Variants in VPS13B observed in about 807,000 individuals in gnomAD.
The protein encoded by VPS13B is intermembrane lipid transfer protein VPS13B.
In VPS13B, 285 loss-of-function variants were observed where a neutral mutation model predicts 426.4. That is an observed-to-expected ratio of 0.67 (90% confidence interval 0.61 to 0.74). The LOEUF is 0.74. Ranked by LOEUF, VPS13B falls within the 30% of genes least tolerant of loss-of-function variation. VPS13B has a pLI of 0.00. For synonymous variants in VPS13B, 1,676 were observed against 1,676.4 expected, an observed-to-expected ratio of 1.00 and a Z score of 0.01; for missense variants, 4,537 against 4,782.6, an observed-to-expected ratio of 0.95 and a Z score of 1.51.
chr8:99,446,479 C>G (rs1284197899), intron 23 of VPS13B, among the ~76,000 whole-genome samples: 1 of 152,072 alleles, frequency 6.6e-6, no homozygotes, highest in Non-Finnish European at 1.5e-5. Flanking sequence ...AGTTTTCTGG[C>G]ATAATCTATT....
At chr8:99,562,352 C>A (rs1369062318) in intron 31 of VPS13B, among the ~76,000 whole-genome samples, 4 of 151,262 alleles carry the variant, frequency 2.6e-5, no homozygotes, top group Non-Finnish European at 5.9e-5. Context: ...ATGATCTCAG[C>A]CCACTGTAAC....
At chr8:99,860,924 T>C (rs558053668) in intron 57 of VPS13B, among the ~76,000 whole-genome samples, 9 of 152,322 alleles carry the variant, frequency 5.9e-5, no homozygotes, top group African/African-American at 2.2e-4. Context: ...TTGCACATAT[T>C]CTCCATGGCA....
In VPS13B at chr8:99,589,258, G is replaced by A. The variant is rs756845302; in HGVS notation, c.5220+11625G>A. Among the ~76,000 whole-genome samples the A allele has an allele frequency of 7.3e-5, 11 of 151,610 alleles. 1 individual carries two copies. Among genetic ancestry groups the A allele is most frequent in the Admixed American group, 2.0e-4 (3 of 15,228 alleles). The stretch of plus-strand genomic sequence containing the variant: ...TTAGGGTACATGTGCACAACGTGCA[G>A]GTTTGTTACATGTGTATATATGTGC... On this transcript the variant is annotated intron_variant, in intron 33 of 61. Coordinates refer to ENST00000357162, the MANE Select transcript of VPS13B (RefSeq NM_152564.5).
intron 45 of VPS13B, 140 bp downstream of exon 45, chr8:99,817,943 C>T (rs1814141452): frequency 7.7e-6 from 10 of 1,291,238 alleles, no homozygotes; most frequent in Non-Finnish European, 1.1e-5. Context: ...TAGTACTTCT[C>T]AAACTGTTTC....
chr8:99,725,347 A>G (rs1833297657), intron 39 of VPS13B, among the ~76,000 whole-genome samples: 1 of 152,190 alleles, frequency 6.6e-6, no homozygotes, highest in Non-Finnish European at 1.5e-5. Context: ...GCAGGCAAGC[A>G]TTCCCACCTG....
At chr8:99,063,149 G>T (rs962863393) in intron 3 of VPS13B, among the ~76,000 whole-genome samples, 1 of 152,220 alleles carries the variant, frequency 6.6e-6, no homozygotes, top group South Asian at 2.1e-4. Flanking sequence ...CTCCCAGCGT[G>T]ATTGACACAG....
At chr8:99,873,414 T>C (rs1031798382) in intron 61 of VPS13B, 1 of 152,168 alleles carries the variant, frequency 6.6e-6, no homozygotes, top group South Asian at 2.1e-4. Flanking sequence ...AAGCTCTAGA[T>C]ACCATTTTCA....
chr8:99,132,010 C>T (rs775118700), intron 8 of VPS13B, among the ~76,000 whole-genome samples: 1 of 152,120 alleles, frequency 6.6e-6, no homozygotes, highest in Non-Finnish European at 1.5e-5. Flanking sequence ...AATTCTTGCA[C>T]CTCTGCCTCC....
chr8:99,782,348 G>A (rs1231209169), intron 42 of VPS13B, among the ~76,000 whole-genome samples: 4 of 152,022 alleles, frequency 2.6e-5, no homozygotes, highest in South Asian at 4.1e-4. Context: ...CTGTAAAGAC[G>A]TGGTTGCTGC....
intron 19 of VPS13B, among the ~76,000 whole-genome samples, chr8:99,381,274 A>C (rs1396672662): frequency 6.6e-6 from 1 of 152,152 alleles, no homozygotes; most frequent in Non-Finnish European, 1.5e-5. Context: ...CATTGTGTAT[A>C]TGTAACACAT....
chr8:99,850,981 G>A (rs1265150567), intron 55 of VPS13B, among the ~76,000 whole-genome samples: 2 of 152,138 alleles, frequency 1.3e-5, no homozygotes, highest in African/African-American at 4.8e-5. Context: ...CTCATATATG[G>A]TTAAGAACTC....
intron 33 of VPS13B, among the ~76,000 whole-genome samples, chr8:99,615,206 T>A (rs1189227658): frequency 6.6e-6 from 1 of 152,132 alleles, no homozygotes; most frequent in Non-Finnish European, 1.5e-5. Flanking sequence ...TGTTTCAATG[T>A]AATAATTACT....
chr8:99,859,400 A>C lies in VPS13B; in HGVS notation c.10964A>C (p.Glu3655Ala). The C allele has an allele frequency of 1.9e-6, 3 of 1,614,052 alleles. No individual in the cohort carries two copies. In the South Asian group the frequency reaches 3.3e-5, roughly 18 times the overall value. ...GCCGACTTCTTCAGGCTTCCGTATG[A>C]GGGGCTGACCCGGGGCCCTGGAGCC... ...GVADFFRLPY[E>A]GLTRGPGAFV... The change falls in exon 57 of 62, where the codon GAG (glutamate) becomes GCG (alanine). Residue 3655 changes from glutamate (E) to alanine (A), a missense_variant. Transcript: ENST00000357162.
chr8:99,548,847 TA>T (rs1305211967), intron 30 of VPS13B, among the ~76,000 whole-genome samples: 19 of 152,110 alleles, frequency 1.2e-4, no homozygotes, highest in African/African-American at 3.1e-4. Context: ...AAAGAAAAAT[TA>T]AATTTTTATC....
chr8:99,459,097 G>T (rs1444210613), intron 23 of VPS13B, among the ~76,000 whole-genome samples: 1 of 152,106 alleles, frequency 6.6e-6, no homozygotes, highest in Non-Finnish European at 1.5e-5. Flanking sequence ...TACTTTGTAT[G>T]ATGGTCATTC....
chr8:99,031,156 C>A (rs1369062007), intron 2 of VPS13B, among the ~76,000 whole-genome samples: 1 of 151,920 alleles, frequency 6.6e-6, no homozygotes, highest in African/African-American at 2.4e-5. Flanking sequence ...ACAAATTCTT[C>A]TGCTTGATCT....
At chr8:99,345,142 G>A (rs1811468992) in intron 19 of VPS13B, among the ~76,000 whole-genome samples, 1 of 152,102 alleles carries the variant, frequency 6.6e-6, no homozygotes, top group Non-Finnish European at 1.5e-5. Context: ...AGCCATCATT[G>A]CTATAGTATG....
At chr8:99,459,122 A>G (rs1165916226) in intron 23 of VPS13B, among the ~76,000 whole-genome samples, 1 of 152,126 alleles carries the variant, frequency 6.6e-6, no homozygotes, top group Non-Finnish European at 1.5e-5. Context: ...AAATTTATTA[A>G]GACTTTTTTT....
At chr8:99,158,080 A>G (rs1458334155) in intron 15 of VPS13B, among the ~76,000 whole-genome samples, 3 of 152,350 alleles carry the variant, frequency 2.0e-5, no homozygotes, top group Non-Finnish European at 1.5e-5. Flanking sequence ...GCAAGTGCTG[A>G]CATAGAAACT....
Sources: gnomAD v4.1 joint callset for allele counts (sites outside exome capture counted in the v4.1 genomes callset) on GRCh38, gnomAD v4.1.1 for gene constraint, MANE v1.5 for transcripts, NCBI Gene and HGNC (gene_info 2026-07-23, HGNC 2026-07-21) for gene names.